Variants in CTTNBP2NL observed in about 807,000 individuals in gnomAD.
CTTNBP2NL encodes CTTNBP2 N-terminal-like protein.
A neutral mutation model predicts 32.5 loss-of-function variants in CTTNBP2NL; 16 were observed. The ratio of observed to expected loss-of-function variants is 0.49; its 90% CI spans 0.33 to 0.75. The LOEUF is 0.75. CTTNBP2NL is among the 30% of genes least tolerant of loss of function. The pLI, the probability that CTTNBP2NL is intolerant of heterozygous loss-of-function variation, is 0.02. For synonymous variants in CTTNBP2NL, 298 were observed against 289.4 expected (o/e 1.03, Z -0.30); for missense variants, 645 against 756.0 (o/e 0.85, Z 1.72).
chr1:112,405,077 A>G (rs1047783784), intron 1 of CTTNBP2NL, among the ~76,000 whole-genome samples: 2 of 152,202 alleles, frequency 1.3e-5, no homozygotes, highest in African/African-American at 2.4e-5. Context: ...CAAAAAAAAC[A>G]AACAAAAAAA....
In CTTNBP2NL at chr1:112,457,261, C is replaced by CGAG; in HGVS notation, c.1769_1770insGAG (p.Thr590_Pro591insSer). ...ATCCCACCCAAGAAACCTGGCCTCA[C>CGAG]CCCTTCTCCATCTGCTACCACTCCA... On this transcript the variant is annotated inframe_insertion, in exon 6 of 6. Transcript: ENST00000271277. 1.2e-6 allele frequency: 2 copies of CGAG among 1,614,186 alleles called. No individual in the cohort carries two copies. The highest frequency in any genetic ancestry group is 1.7e-6 in the Non-Finnish European group (2 of 1,180,038).
intron 2 of CTTNBP2NL, 33 bp from the exon 3 acceptor site, chr1:112,416,122 CTT>C: frequency 9.3e-7 from 1 of 1,077,562 alleles, no homozygotes; most frequent in Non-Finnish European, 1.4e-6. Context: ...TTAACTATGT[CTT>C]TGGAGATTGT....
intron 1 of CTTNBP2NL, among the ~76,000 whole-genome samples, chr1:112,399,053 C>G (rs1426783293): frequency 6.6e-6 from 1 of 151,892 alleles, no homozygotes; most frequent in Non-Finnish European, 1.5e-5. Context: ...GGCTTGGTGG[C>G]TCACATCTGT....
At chr1:112,411,875 T>C (rs1557886017) in intron 1 of CTTNBP2NL, among the ~76,000 whole-genome samples, 1 of 152,104 alleles carries the variant, frequency 6.6e-6, no homozygotes, top group African/African-American at 2.4e-5. Flanking sequence ...GCTTAAGTCA[T>C]GGTGATTCAA....
intron 3 of CTTNBP2NL, among the ~76,000 whole-genome samples, chr1:112,423,464 G>A (rs1435959165): frequency 6.6e-6 from 1 of 151,542 alleles, no homozygotes; most frequent in Non-Finnish European, 1.5e-5. Context: ...ACATCATGTG[G>A]CACACTATAA....
chr1:112,409,929 A>T (rs973069459), intron 1 of CTTNBP2NL, among the ~76,000 whole-genome samples: 1 of 152,084 alleles, frequency 6.6e-6, no homozygotes, highest in Non-Finnish European at 1.5e-5. Context: ...AGTTGGGGGG[A>T]TGCAGTTTTT....
intron 3 of CTTNBP2NL, among the ~76,000 whole-genome samples, chr1:112,434,062 A>G (rs1452669922): frequency 6.6e-6 from 1 of 152,202 alleles, no homozygotes; most frequent in Non-Finnish European, 1.5e-5. Flanking sequence ...ACAGTGGTAC[A>G]TAGAATATGT....
intron 3 of CTTNBP2NL, among the ~76,000 whole-genome samples, chr1:112,421,344 A>T (rs566919843): frequency 8.3e-6 from 1 of 120,476 alleles, no homozygotes; most frequent in Non-Finnish European, 1.6e-5. Context: ...GGAGTTGCCC[A>T]GGCTGGAGTG....
Position 112,456,593 on chromosome 1 carries a change from T to G in CTTNBP2NL, c.1101T>G (p.Asn367Lys), listed in dbSNP as rs745850786. Residue 367 changes from asparagine (N) to lysine (K), a missense_variant, in exon 6 of 6, where the codon AAT (asparagine) becomes AAG (lysine). Coordinates refer to ENST00000271277, the MANE Select transcript of CTTNBP2NL (RefSeq NM_018704.3). ...CCAGGGAGCTGACTGCAGGCAACAA[T>G]GTAGAAAACCAGGTGCCTCCACGGG... is the stretch of plus-strand genomic sequence containing the variant. ...QTTRELTAGN[N>K]VENQVPPREK... is the part of the protein sequence containing the mutation. 2.2e-5 allele frequency: 36 copies of G among 1,613,988 alleles called. No individual in the cohort carries two copies. The East Asian group carries it at 8.0e-4, about 36-fold the overall frequency.
At chr1:112,435,408 A>G (rs1247099068) in intron 3 of CTTNBP2NL, among the ~76,000 whole-genome samples, 1 of 152,172 alleles carries the variant, frequency 6.6e-6, no homozygotes, top group African/African-American at 2.4e-5. Flanking sequence ...ATCTGGACCC[A>G]AGTAAGTACT....
chr1:112,437,788 C>T (rs1570737038), intron 3 of CTTNBP2NL, among the ~76,000 whole-genome samples: 1 of 152,080 alleles, frequency 6.6e-6, no homozygotes, highest in Non-Finnish European at 1.5e-5. Flanking sequence ...CTCCCAAAGT[C>T]CTGGGATTGC....
At chr1:112,427,616 C>A (rs559927541) in intron 3 of CTTNBP2NL, among the ~76,000 whole-genome samples, 1 of 152,332 alleles carries the variant, frequency 6.6e-6, no homozygotes, top group Admixed American at 6.5e-5. Context: ...GTAAATCCTG[C>A]TGGGTGTGGT....
rs1370832380 is a variant in CTTNBP2NL at position 112,456,824 on chromosome 1, C to A, written c.1332C>A (p.Ser444Arg). 6.2e-7 allele frequency: 1 copy of A among 1,614,118 alleles called. No individual in the cohort carries two copies. Among genetic ancestry groups the A allele is most frequent in the South Asian group, 1.1e-5 (1 of 91,064 alleles). ...TKRLLGSSAS[S>R]PGYQSSYQVG... ...GTTTATTGGGGTCATCAGCTAGCAG[C>A]CCTGGCTACCAGTCATCGTACCAAG... is the stretch of plus-strand genomic sequence containing the variant. Residue 444 changes from serine (S) to arginine (R), a missense_variant, in exon 6 of 6, where the codon AGC (serine) becomes AGA (arginine). Physicochemically the swap from Ser to Arg is moderately radical, Grantham distance 110. Coordinates refer to ENST00000271277, the MANE Select transcript of CTTNBP2NL (RefSeq NM_018704.3).
chr1:112,399,666 G>A (rs1450258349), intron 1 of CTTNBP2NL, among the ~76,000 whole-genome samples: 3 of 152,162 alleles, frequency 2.0e-5, no homozygotes, highest in Non-Finnish European at 2.9e-5. Flanking sequence ...GGTGTTTGAC[G>A]TCATGAAGCA....
chr1:112,398,072 A>G (rs1291656326), intron 1 of CTTNBP2NL, among the ~76,000 whole-genome samples: 1 of 152,252 alleles, frequency 6.6e-6, no homozygotes, highest in African/African-American at 2.4e-5. Flanking sequence ...GCTCCCAGCA[A>G]TAACAGCAGA....
intron 2 of CTTNBP2NL, among the ~76,000 whole-genome samples, chr1:112,415,595 C>T (rs1206601973): frequency 2.0e-5 from 3 of 150,426 alleles, no homozygotes; most frequent in South Asian, 2.1e-4. Context: ...CTCACTCTGT[C>T]GCCCAGGCTG....
At chr1:112,453,546 G>A (rs1650284978) in intron 4 of CTTNBP2NL, among the ~76,000 whole-genome samples, 1 of 152,132 alleles carries the variant, frequency 6.6e-6, no homozygotes, top group African/African-American at 2.4e-5. Context: ...GAGCCCAGGA[G>A]TTCCAGACCA....
intron 3 of CTTNBP2NL, among the ~76,000 whole-genome samples, chr1:112,423,054 A>C (rs1173008058): frequency 1.3e-5 from 2 of 152,164 alleles, no homozygotes; most frequent in African/African-American, 2.4e-5. Flanking sequence ...TTGGCTTCCC[A>C]AAGTGTTGGG....
rs551859375 is a variant in CTTNBP2NL, at chr1:112,443,928, G to GA, written c.100-5014_100-5013insA. Among the ~76,000 whole-genome samples the GA allele has an allele frequency of 5.9e-5, 9 of 152,272 alleles. No homozygotes were observed. The East Asian group carries it at 1.7e-3, about 29-fold the overall frequency. Reference sequence around the variant, plus strand: ...TATCTATAGTGTGAATTACTTGACAGTAAATAGATTCAGTGTGCATGTGAT... The same window carrying GA: ...TATCTATAGTGTGAATTACTTGACAGATAAATAGATTCAGTGTGCATGTGAT... On this transcript the variant is annotated intron_variant, in intron 3 of 5. Transcript: ENST00000271277.
Sources: gnomAD v4.1 joint callset for allele counts (sites outside exome capture counted in the v4.1 genomes callset) on GRCh38, gnomAD v4.1.1 for gene constraint, MANE v1.5 for transcripts, NCBI Gene and HGNC (gene_info 2026-07-23, HGNC 2026-07-21) for gene names.